HECTD4: variants seen among roughly 807,000 people sequenced by gnomAD.
The protein encoded by HECTD4 is HECT domain E3 ubiquitin protein ligase 4.
Under a neutral mutation model 471.5 loss-of-function variants are expected in HECTD4, and 114 were observed. The ratio of observed to expected loss-of-function variants is 0.24; its 90% CI spans 0.21 to 0.28. The LOEUF (loss-of-function observed/expected upper bound fraction) is 0.28, where lower values mean the gene tolerates loss of function less well. Among genes scored for constraint, HECTD4 ranks in the 10% least tolerant of loss-of-function variants. The pLI, the probability that HECTD4 is intolerant of heterozygous loss-of-function variation, is 1.00. For synonymous variants in HECTD4, 2,012 were observed against 2,256.0 expected, an observed-to-expected ratio of 0.89 and a Z score of 3.07; for missense variants, 3,866 against 5,651.5, an observed-to-expected ratio of 0.68 and a Z score of 10.13.
At position 112,217,198 on chromosome 12, in the gene HECTD4, G is replaced by A. The variant is rs764127592; in HGVS notation, c.7075-3C>T. ...GGGCTCCAAGTAATCTCTTTGGGCT[G>A]CATCAGGGAGAAAAACCCATATTCA... On this transcript the variant is annotated splice_polypyrimidine_tract_variant and splice_region_variant and intron_variant, in intron 45 of 75. Coordinates refer to ENST00000682272, the MANE Select transcript of HECTD4 (RefSeq NM_001388303.1). 1 of 1,497,648 alleles carries A rather than the reference G, an allele frequency of 6.7e-7. No homozygotes were observed. Among genetic ancestry groups the A allele is most frequent in the East Asian group, 2.3e-5 (1 of 43,560 alleles). The allele number at this position is 1,497,648 out of a possible 1,614,324, so 92.8% of individuals were successfully genotyped here.
intron 10 of HECTD4, among the ~76,000 whole-genome samples, chr12:112,274,087 AC>A (rs1206212680): frequency 2.0e-5 from 3 of 152,262 alleles, no homozygotes; most frequent in Non-Finnish European, 4.4e-5. Context: ...TAAGTGGCTT[AC>A]ATTAAAAACA....
chr12:112,266,367 T>C (rs768854759), intron 14 of HECTD4, among the ~76,000 whole-genome samples: 1 of 152,276 alleles, frequency 6.6e-6, no homozygotes, highest in Non-Finnish European at 1.5e-5. Context: ...TAAACATCTA[T>C]AGTCAGATAC....
chr12:112,228,322 G>T lies in HECTD4; in HGVS notation c.6685-64C>A. Reference sequence around the variant, plus strand: ...AAGTAGTTAGTTTATAAGAAATGAGGGTGTTATTATTATCTGGAGTTAATT... The same window carrying T: ...AAGTAGTTAGTTTATAAGAAATGAGTGTGTTATTATTATCTGGAGTTAATT... On this transcript the variant is annotated intron_variant, in intron 42 of 75. Coordinates refer to ENST00000682272, the MANE Select transcript of HECTD4 (RefSeq NM_001388303.1). This position sits in a 1 kb window ranked among gnomAD's most constrained non-coding sequence, Gnocchi z 4.9. 7.1e-7 allele frequency: 1 copy of T among 1,400,488 alleles called. No individual in the cohort carries two copies. Among genetic ancestry groups the T allele is most frequent in the East Asian group, 2.7e-5 (1 of 37,470 alleles). The allele number at this position is 1,400,488 out of a possible 1,614,324, so 86.8% of individuals were successfully genotyped here.
intron 39 of HECTD4, 50 bp from the exon 40 acceptor site, chr12:112,230,872 T>C (rs1356095168): frequency 6.4e-7 from 1 of 1,553,236 alleles, no homozygotes; most frequent in Non-Finnish European, 8.7e-7. Flanking sequence ...TGGTTAAGAC[T>C]GCAGGGAAGT....
chr12:112,346,231 T>A (rs1444947104), intron 1 of HECTD4, among the ~76,000 whole-genome samples: 1 of 152,198 alleles, frequency 6.6e-6, no homozygotes, highest in Non-Finnish European at 1.5e-5. Flanking sequence ...GTGAACCACA[T>A]TACCTGTGTT....
Position 112,172,692 on chromosome 12 carries a change from G to C in HECTD4, c.11764C>G (p.Pro3922Ala). ...VYLDPADAAD[P>A]RVACLLNVPI... ...ATACTCAGGAGACAGGCCACTCTGG[G>C]GTCAGCAGCATCCGCGGGGTCCAGG... The change falls in exon 67 of 76, where the codon CCC (proline) becomes GCC (alanine). Residue 3922 changes from proline to alanine, a missense_variant. By Grantham distance (27) the Pro-to-Ala change is conservative. Transcript: ENST00000682272. 6.2e-7 allele frequency: 1 copy of C among 1,614,000 alleles called. No individual in the cohort carries two copies.
intron 64 of HECTD4, among the ~76,000 whole-genome samples, chr12:112,178,676 T>A (rs985551819): frequency 6.6e-5 from 10 of 152,132 alleles, no homozygotes; most frequent in Non-Finnish European, 1.5e-4. Context: ...CAGAAAATTT[T>A]AAAAAATTAG....
At chr12:112,171,386 G>A in intron 67 of HECTD4, 123 bp from the exon 68 acceptor site, 1 of 1,464,796 alleles carries the variant, frequency 6.8e-7, no homozygotes, top group East Asian at 2.5e-5. Context: ...CTGGGACCCT[G>A]GAGATGCTGT....
rs910592862 is a variant in HECTD4 at position 112,381,615 on chromosome 12, G to A, written c.177+337C>T. Among the ~76,000 whole-genome samples, 28 of 152,294 alleles carry A rather than the reference G, an allele frequency of 1.8e-4. No individual in the cohort carries two copies. Among genetic ancestry groups the A allele is most frequent in the African/African-American group, 6.7e-4 (28 of 41,574 alleles). ...GGGTCCTGGGGGCCCGTGGGGGAGG[G>A]GAGGGAGGGCCCGGGTGGTGGCGGT... On this transcript the variant is annotated intron_variant, in intron 1 of 75. Transcript: ENST00000682272. This position sits in a 1 kb window ranked among gnomAD's most constrained non-coding sequence, Gnocchi z 4.1.
At chr12:112,174,473 C>T (rs1378093023) in intron 66 of HECTD4, among the ~76,000 whole-genome samples, 1 of 147,044 alleles carries the variant, frequency 6.8e-6, no homozygotes, top group Non-Finnish European at 1.5e-5. Context: ...AGGTTGGTCT[C>T]GAACTCCTGA....
chr12:112,254,000 T>C, intron 22 of HECTD4, 43 bp downstream of exon 22: 3 of 1,608,692 alleles, frequency 1.9e-6, no homozygotes, highest in South Asian at 2.2e-5. Context: ...GGACTGCAAG[T>C]TCATTTTCTT....
intron 44 of HECTD4, among the ~76,000 whole-genome samples, chr12:112,222,445 T>C (rs1197720603): frequency 1.3e-5 from 2 of 152,150 alleles, no homozygotes; most frequent in African/African-American, 4.8e-5. Flanking sequence ...AGTGGGCGGA[T>C]CACTTGAGGT....
chr12:112,343,256 C>T (rs1017344751), intron 1 of HECTD4, among the ~76,000 whole-genome samples: 2 of 152,210 alleles, frequency 1.3e-5, no homozygotes, highest in African/African-American at 4.8e-5. Context: ...TGATGTCCCA[C>T]AGCACATAGG....
intron 7 of HECTD4, among the ~76,000 whole-genome samples, chr12:112,286,703 C>G (rs2034762038): frequency 6.6e-6 from 1 of 151,534 alleles, no homozygotes; most frequent in South Asian, 2.1e-4. Context: ...CCCCGCCCCA[C>G]CAAAAAAAAA....
chr12:112,261,691 G>A, intron 17 of HECTD4: 1 of 276,278 alleles, frequency 3.6e-6, no homozygotes, highest in Non-Finnish European at 6.9e-6. Context: ...ATCACACTGA[G>A]TCCCTAGGAG....
intron 1 of HECTD4, among the ~76,000 whole-genome samples, chr12:112,367,847 A>AAC (rs2036597065): frequency 6.7e-6 from 1 of 149,824 alleles, no homozygotes; most frequent in African/African-American, 2.5e-5. Context: ...AAAAAAAAAA[A>AAC]ACGCTAACAC....
intron 45 of HECTD4, among the ~76,000 whole-genome samples, chr12:112,217,491 C>T (rs1301236625): frequency 6.6e-6 from 1 of 152,062 alleles, no homozygotes; most frequent in African/African-American, 2.4e-5. Context: ...GTAGCTGGGA[C>T]TACAGGTGTG....
chr12:112,208,581 C>T lies in HECTD4; in HGVS notation c.7917G>A (p.Glu2639=). ...SCHYKVELSY[E]NFITSGPDPH... ...GGTCTGGGCCAGAGGTGATGAAATTCTCATAGCTGAGCTCGACTTTATAAT... is the reference window on the plus strand; with the variant it reads ...GGTCTGGGCCAGAGGTGATGAAATTTTCATAGCTGAGCTCGACTTTATAAT... Residue 2639 remains glutamate (E), a synonymous_variant, in exon 51 of 76, where the codon GAG becomes GAA. Transcript: ENST00000682272. 1 of 1,607,332 alleles carries T rather than the reference C, an allele frequency of 6.2e-7. No individual in the cohort carries two copies. The highest frequency in any genetic ancestry group is 8.5e-7 in the Non-Finnish European group (1 of 1,177,876).
intron 11 of HECTD4, among the ~76,000 whole-genome samples, chr12:112,272,227 T>G (rs1227297765): frequency 2.6e-5 from 4 of 152,126 alleles, no homozygotes; most frequent in Non-Finnish European, 5.9e-5. Context: ...TTTTTGTATT[T>G]TTAGTAGAGA....
Sources: allele counts gnomAD v4.1 joint callset (sites outside exome capture counted in the v4.1 genomes callset), GRCh38; gene constraint gnomAD v4.1.1; non-coding constraint Gnocchi (gnomAD v3.1); transcripts MANE v1.5; gene names NCBI Gene and HGNC (gene_info 2026-07-23, HGNC 2026-07-21).